Variants in DAB1 observed in about 807,000 individuals in gnomAD.
The protein encoded by DAB1 is DAB adaptor protein 1, also known as disabled homolog 1.
A neutral mutation model predicts 64.6 loss-of-function variants in DAB1; 15 were observed. The ratio of observed to expected loss-of-function variants is 0.23; its 90% confidence interval spans 0.16 to 0.36. DAB1 has a LOEUF of 0.36. Ranked by LOEUF, DAB1 falls within the 10% of genes least tolerant of loss-of-function variation. The pLI, the probability that DAB1 is intolerant of heterozygous loss-of-function variation, is 1.00. For synonymous variants in DAB1, 235 were observed against 251.9 expected (o/e 0.93, Z 0.64); for missense variants, 596 against 706.7 (o/e 0.84, Z 1.78).
intron 4 of DAB1, among the ~76,000 whole-genome samples, chr1:58,302,723 C>T (rs952233459): frequency 2.6e-5 from 4 of 152,026 alleles, no homozygotes; most frequent in African/African-American, 4.8e-5. Context: ...CTTTATAGGG[C>T]TGCTGCATTT....
chr1:57,823,561 T>C (rs2101897500), downstream of DAB1, among the ~76,000 whole-genome samples: 1 of 152,222 alleles, frequency 6.6e-6, no homozygotes, highest in South Asian at 2.1e-4. Flanking sequence ...TCAAGCAGGA[T>C]GTGGCTAAGA....
chr1:57,302,314 G>A (rs544828309), intron 1 of DAB1, among the ~76,000 whole-genome samples: 9 of 152,136 alleles, frequency 5.9e-5, no homozygotes, highest in African/African-American at 9.7e-5. Context: ...TCACAAAAAC[G>A]TAAAAATTCA....
At chr1:57,747,547 C>A (rs550958605) in intron 6 of DAB1, among the ~76,000 whole-genome samples, 7 of 151,990 alleles carry the variant, frequency 4.6e-5, no homozygotes, top group Non-Finnish European at 8.8e-5. Flanking sequence ...CGGTGGCTCA[C>A]GCCTGTAATC....
At chr1:57,739,038 G>C (rs188112666) in intron 6 of DAB1, among the ~76,000 whole-genome samples, 2 of 152,318 alleles carry the variant, frequency 1.3e-5, no homozygotes, top group Admixed American at 1.3e-4. Context: ...TTATAGCGCT[G>C]TCTCCTGAGC....
In DAB1 at chr1:57,639,179, T is replaced by G. The variant is rs78462141; in HGVS notation, n.625+10413A>C. ...GTTCTTCATAAAGAACTTTAGTAAA[T>G]AACTTTATAAAGTTCTTCATAAAGA... is the stretch of plus-strand genomic sequence containing the variant. On this transcript the variant is annotated intron_variant and non_coding_transcript_variant, in intron 7 of 20. Coordinates refer to the DAB1 transcript ENST00000485760. Among the ~76,000 whole-genome samples, 116 of 120,782 alleles carry G rather than the reference T, an allele frequency of 9.6e-4. 1 individual carries two copies. The highest frequency in any genetic ancestry group is 5.9e-4 in the South Asian group (2 of 3,380). The allele number at this position is 120,782 out of a possible 152,430, so 79.2% of individuals were successfully genotyped here.
At chr1:57,952,066 T>A (rs150751792) in intron 5 of DAB1, among the ~76,000 whole-genome samples, 7 of 152,226 alleles carry the variant, frequency 4.6e-5, no homozygotes, top group African/African-American at 1.7e-4. Context: ...TCCTACTACA[T>A]CCCTGTCCCT....
chr1:57,590,468 C>T (rs777122500), intron 7 of DAB1, among the ~76,000 whole-genome samples: 28 of 151,914 alleles, frequency 1.8e-4, no homozygotes, highest in South Asian at 6.2e-4. Context: ...TACAGGCACA[C>T]GTCACCATGC....
At chr1:57,151,116 G>T (rs1484041364) in intron 2 of DAB1, among the ~76,000 whole-genome samples, 1 of 152,292 alleles carries the variant, frequency 6.6e-6, no homozygotes, top group Middle Eastern at 3.4e-3. Flanking sequence ...TGCACTCAAA[G>T]GGCAGACAAA....
chr1:58,236,088 T>C (rs77018343), intron 4 of DAB1, among the ~76,000 whole-genome samples: 2,460 of 151,476 alleles, frequency 0.016, 27 homozygotes, highest in Middle Eastern at 0.034. Context: ...CCCCTTGGCC[T>C]GCAGCCCTGC....
chr1:57,952,011 G>T (rs1238936135), intron 5 of DAB1, among the ~76,000 whole-genome samples: 2 of 152,134 alleles, frequency 1.3e-5, no homozygotes, highest in African/African-American at 4.8e-5. Context: ...TGGACTCACT[G>T]GTTCTCAATA....
At chr1:58,300,615 AGAGAGAGAGAGAGAG>A (rs1662120467) in intron 4 of DAB1, among the ~76,000 whole-genome samples, 1 of 39,034 alleles carries the variant, frequency 2.6e-5, no homozygotes, top group Non-Finnish European at 5.8e-5. Context: ...AAAGAAAGAG[AGAGAGAGAGAGAGAG>A]AGAGAGAGAG....
intron 6 of DAB1, among the ~76,000 whole-genome samples, chr1:57,790,257 T>C (rs1264752992): frequency 6.6e-6 from 1 of 152,166 alleles, no homozygotes; most frequent in Non-Finnish European, 1.5e-5. Flanking sequence ...CTCCATGCTG[T>C]TCTCATGATA....
chr1:58,506,817 T>C (rs1261845557), intron 2 of DAB1, among the ~76,000 whole-genome samples: 2 of 152,164 alleles, frequency 1.3e-5, no homozygotes, highest in African/African-American at 2.4e-5. Flanking sequence ...TTACCCAATT[T>C]TCTCAATGTA....
intron 1 of DAB1, among the ~76,000 whole-genome samples, chr1:57,335,304 G>A (rs982733005): frequency 4.0e-5 from 6 of 151,244 alleles, no homozygotes; most frequent in African/African-American, 1.5e-4. Flanking sequence ...AACAAAAATG[G>A]GTCTTCAATC....
At chr1:57,693,154 CT>C (rs1334860221) in intron 6 of DAB1, among the ~76,000 whole-genome samples, 2 of 152,144 alleles carry the variant, frequency 1.3e-5, no homozygotes, top group Non-Finnish European at 2.9e-5. Context: ...TTTCACTGGC[CT>C]AAAGAGTTCC....
At chr1:57,123,556 C>G (rs1223440907) in intron 4 of DAB1, among the ~76,000 whole-genome samples, 1 of 151,958 alleles carries the variant, frequency 6.6e-6, no homozygotes, top group Non-Finnish European at 1.5e-5. Flanking sequence ...AAAAAAAGCC[C>G]AAGAGCCTTA....
intron 9 of DAB1, among the ~76,000 whole-genome samples, chr1:57,048,597 C>T (rs1303882659): frequency 6.6e-6 from 1 of 152,210 alleles, no homozygotes; most frequent in Non-Finnish European, 1.5e-5. Flanking sequence ...TTATTCTGGA[C>T]AGTAGTTTTC....
At chr1:57,722,645 A>G (rs1243456302) in intron 6 of DAB1, among the ~76,000 whole-genome samples, 1 of 152,210 alleles carries the variant, frequency 6.6e-6, no homozygotes, top group African/African-American at 2.4e-5. Context: ...GATATAATAC[A>G]TAATATCTTT....
intron 6 of DAB1, among the ~76,000 whole-genome samples, chr1:57,789,125 A>T (rs963902215): frequency 2.6e-5 from 4 of 152,106 alleles, no homozygotes; most frequent in African/African-American, 9.7e-5. Flanking sequence ...CACCTCCCTG[A>T]ACCACAACCT....
Sources: allele counts gnomAD v4.1 joint callset (sites outside exome capture counted in the v4.1 genomes callset), GRCh38; gene constraint gnomAD v4.1.1; transcripts MANE v1.5; gene names NCBI Gene and HGNC (gene_info 2026-07-23, HGNC 2026-07-21).